Variants in OPCML observed in about 807,000 individuals in gnomAD.
The protein encoded by OPCML is opioid binding protein/cell adhesion molecule like, also known as opioid-binding protein/cell adhesion molecule.
A neutral mutation model predicts 37.8 loss-of-function variants in OPCML; 13 were observed. The observed-to-expected ratio is 0.34, with a 90% CI of 0.22 to 0.55. The LOEUF (loss-of-function observed/expected upper bound fraction) is 0.55, where lower values mean the gene tolerates loss of function less well. OPCML is among the 20% of genes least tolerant of loss of function. The pLI is 0.91. For missense variants in OPCML, 341 were observed against 435.6 expected (o/e 0.78, Z 1.93); for synonymous variants, 176 against 168.8 (o/e 1.04, Z -0.33).
intron 2 of OPCML, among the ~76,000 whole-genome samples, chr11:132,779,875 T>C (rs1444297318): frequency 6.6e-6 from 1 of 152,256 alleles, no homozygotes; most frequent in African/African-American, 2.4e-5. Flanking sequence ...GAAACTGTTC[T>C]ACAATTTTCT....
intron 1 of OPCML, among the ~76,000 whole-genome samples, chr11:133,168,883 CT>C (rs1950250186): frequency 6.6e-6 from 1 of 152,166 alleles, no homozygotes; most frequent in Non-Finnish European, 1.5e-5. Flanking sequence ...AATCCCAGTA[CT>C]TTGGGAGGCC....
intron 2 of OPCML, among the ~76,000 whole-genome samples, chr11:132,861,284 A>G (rs1251116079): frequency 6.6e-6 from 1 of 152,232 alleles, no homozygotes; most frequent in African/African-American, 2.4e-5. Context: ...GCTTGTTTTC[A>G]AAGCTGGGCT....
chr11:132,772,016 C>A (rs1591587807), intron 2 of OPCML: 1 of 152,180 alleles, frequency 6.6e-6, no homozygotes, highest in South Asian at 2.1e-4. Context: ...CAGCCCAAAG[C>A]CCAGAGTTTA....
intron 4 of OPCML, among the ~76,000 whole-genome samples, chr11:132,443,784 T>A (rs1347391138): frequency 6.6e-6 from 1 of 152,238 alleles, no homozygotes; most frequent in East Asian, 1.9e-4. Context: ...CCTTGATATG[T>A]GCAGGGAAAG....
intron 1 of OPCML, among the ~76,000 whole-genome samples, chr11:132,978,751 C>G (rs749909575): frequency 2.0e-5 from 3 of 152,120 alleles, no homozygotes; most frequent in Non-Finnish European, 2.9e-5. Flanking sequence ...AATTGCTATG[C>G]TAATGACTCA....
chr11:133,431,382 C>G lies in OPCML; in HGVS notation c.61+100882G>C, dbSNP rs7103633. 4.3e-3 allele frequency among the ~76,000 whole-genome samples: 652 copies of G among 152,226 alleles called. 6 individuals are homozygous for G. Among genetic ancestry groups the G allele is most frequent in the African/African-American group, 0.015 (617 of 41,526 alleles). On this transcript the variant is annotated intron_variant, in intron 1 of 7. Transcript: ENST00000524381. Reference sequence around the variant, plus strand: ...GAGAGAGACACAGCTATTTGTTTTACAAAATATTACTATTAAGTCATTTGA... The same window carrying G: ...GAGAGAGACACAGCTATTTGTTTTAGAAAATATTACTATTAAGTCATTTGA...
intron 1 of OPCML, chr11:133,423,508 A>T: frequency 2.0e-6 from 2 of 985,054 alleles, no homozygotes; most frequent in Non-Finnish European, 2.4e-6. Flanking sequence ...GAAGCTCCCA[A>T]ACTGGAGAAA....
At chr11:132,946,228 G>GT (rs1945742574) in intron 1 of OPCML, among the ~76,000 whole-genome samples, 1 of 152,126 alleles carries the variant, frequency 6.6e-6, no homozygotes, top group Admixed American at 6.5e-5. Flanking sequence ...AACATGCACG[G>GT]AGCTGTCATC....
At chr11:132,611,767 A>G (rs1938654906) in intron 3 of OPCML, among the ~76,000 whole-genome samples, 1 of 152,210 alleles carries the variant, frequency 6.6e-6, no homozygotes, top group Admixed American at 6.5e-5. Flanking sequence ...AATTCCAATG[A>G]AAGAAAGTCA....
chr11:132,600,086 G>T (rs1323391354), intron 3 of OPCML, among the ~76,000 whole-genome samples: 2 of 152,172 alleles, frequency 1.3e-5, no homozygotes, highest in African/African-American at 2.4e-5. Context: ...GCATAGCTGT[G>T]GGGTGTCCTT....
intron 1 of OPCML, among the ~76,000 whole-genome samples, chr11:133,442,064 C>G (rs544077082): frequency 5.3e-5 from 8 of 152,250 alleles, no homozygotes; most frequent in East Asian, 3.9e-4. Flanking sequence ...AATTTTGAAG[C>G]CTTACAACCA....
In OPCML at chr11:132,436,345, C is replaced by T. The variant is rs1284572292; in HGVS notation, c.765-108G>A. ...GTCCTTCAAACTCAAACCCTAAGCA[C>T]TTCAGTGTCCAACAGGAGGAGAAGG... On this transcript the variant is annotated intron_variant, in intron 6 of 7. Coordinates refer to ENST00000524381, the MANE Select transcript of OPCML (RefSeq NM_001012393.5). 1.9e-6 allele frequency: 3 copies of T among 1,589,548 alleles called. No homozygotes were observed. In the African/African-American group the frequency reaches 4.1e-5, roughly 22 times the overall value.
chr11:132,536,466 T>C (rs1464821310), intron 3 of OPCML, among the ~76,000 whole-genome samples: 1 of 152,170 alleles, frequency 6.6e-6, no homozygotes. Flanking sequence ...GATATGGAGA[T>C]TAGATTAGTG....
chr11:132,441,170 T>TTTTTTTGTTTTTTTTTTTG lies in OPCML; in HGVS notation c.506-3812_506-3811insCAAAAAAAAAAACAAAAAA, dbSNP rs2096032372. On this transcript the variant is annotated intron_variant, in intron 4 of 7. Transcript: ENST00000524381. ...TGTTCACCAAGGACTTTTTTGTTTT[T>TTTTTTTGTTTTTTTTTTTG]TTTTTTTTTTTTTTTGAGACGGAGT... Among the ~76,000 whole-genome samples, 3 of 113,526 alleles carry TTTTTTTGTTTTTTTTTTTG rather than the reference T, an allele frequency of 2.6e-5. No homozygotes were observed. In the Admixed American group the frequency reaches 2.7e-4, roughly 10 times the overall value. The allele number at this position is 113,526 out of a possible 152,430, so 74.5% of individuals were successfully genotyped here.
At chr11:132,579,742 G>A (rs151327683) in intron 3 of OPCML, among the ~76,000 whole-genome samples, 313 of 152,224 alleles carry the variant, frequency 2.1e-3, no homozygotes, top group African/African-American at 7.0e-3. Context: ...ACTGAGACAC[G>A]CTGAAGACAG....
At chr11:133,055,982 C>A (rs150592319) in intron 1 of OPCML, among the ~76,000 whole-genome samples, 2 of 151,528 alleles carry the variant, frequency 1.3e-5, no homozygotes, top group Non-Finnish European at 2.9e-5. Context: ...CCATACAATG[C>A]TGCCTCCATG....
chr11:132,963,507 G>A (rs529142054), intron 1 of OPCML, among the ~76,000 whole-genome samples: 12 of 151,318 alleles, frequency 7.9e-5, no homozygotes, highest in African/African-American at 1.9e-4. Flanking sequence ...CAGGAGAATC[G>A]CTTGAACCCA....
intron 2 of OPCML, among the ~76,000 whole-genome samples, chr11:132,800,730 C>A (rs1368662137): frequency 6.6e-6 from 1 of 152,100 alleles, no homozygotes; most frequent in Non-Finnish European, 1.5e-5. Context: ...AAGACGTTTA[C>A]CTTTCATGCT....
chr11:132,686,744 T>C (rs1454982901), intron 2 of OPCML, among the ~76,000 whole-genome samples: 1 of 152,172 alleles, frequency 6.6e-6, no homozygotes, highest in Non-Finnish European at 1.5e-5. Flanking sequence ...TTTATATTTG[T>C]TTTTCCACGT....
Sources: allele counts gnomAD v4.1 joint callset (sites outside exome capture counted in the v4.1 genomes callset), GRCh38; gene constraint gnomAD v4.1.1; transcripts MANE v1.5; gene names NCBI Gene and HGNC (gene_info 2026-07-23, HGNC 2026-07-21).